ARHGEF10: variants seen among roughly 807,000 people sequenced by gnomAD.
The protein encoded by ARHGEF10 is Rho guanine nucleotide exchange factor 10, also known as Rho guanine nucleotide exchange factor (GEF) 10.
In ARHGEF10, 140 loss-of-function variants were observed where a neutral mutation model predicts 147.4. The ratio of observed to expected loss-of-function variants is 0.95; its 90% CI spans 0.83 to 1.09. The LOEUF (loss-of-function observed/expected upper bound fraction) is 1.09, where lower values mean the gene tolerates loss of function less well. ARHGEF10 is among the 50% of genes least tolerant of loss of function. The pLI is 0.00. For synonymous variants in ARHGEF10, 902 were observed against 695.8 expected (o/e 1.30, Z -4.67); for missense variants, 2,222 against 1,752.7 (o/e 1.27, Z -4.78).
At chr8:1,955,841 T>G (rs1404501907) in intron 28 of ARHGEF10, among the ~76,000 whole-genome samples, 4 of 152,264 alleles carry the variant, frequency 2.6e-5, no homozygotes, top group African/African-American at 7.2e-5. Flanking sequence ...ATCGCTGGTG[T>G]GCAGGGATCA....
chr8:1,921,174 G>A (rs1188651584), intron 18 of ARHGEF10, among the ~76,000 whole-genome samples: 1 of 152,070 alleles, frequency 6.6e-6, no homozygotes, highest in Non-Finnish European at 1.5e-5. Flanking sequence ...GGCTTACCAT[G>A]TTCATAAATA....
upstream of ARHGEF10, among the ~76,000 whole-genome samples, chr8:1,823,358 G>A (rs1802510528): frequency 6.6e-6 from 1 of 151,922 alleles, no homozygotes; most frequent in South Asian, 2.1e-4. Flanking sequence ...GCGGACGGAG[G>A]GACGGGGGCT....
At chr8:1,855,324 G>A (rs79761914) in intron 2 of ARHGEF10, among the ~76,000 whole-genome samples, 2,949 of 152,230 alleles carry the variant, frequency 0.019, 91 homozygotes, top group East Asian at 0.095. Flanking sequence ...TTGTGTCACC[G>A]TCTGGATGAA....
rs1308359748 is a variant in ARHGEF10 at position 1,894,437 on chromosome 8, T to G, written c.1305T>G (p.Ser435Arg). 6.2e-7 allele frequency: 1 copy of G among 1,613,972 alleles called. No individual in the cohort carries two copies. The highest frequency in any genetic ancestry group is 1.3e-5 in the African/African-American group (1 of 74,908). The change falls in exon 13 of 29, where the codon AGT becomes AGG. Residue 435 changes from serine to arginine, a missense_variant. By Grantham distance (110) the Ser-to-Arg change is moderately radical. Coordinates refer to ENST00000349830, the MANE Select transcript of ARHGEF10 (RefSeq NM_014629.4). The stretch of plus-strand genomic sequence containing the variant: ...CTGAGATGGAGCCAAAGGTTCTGAG[T>G]GAGAGGAAGCTGAAGACGGTGTTCT... ...PLSEMEPKVLSERKLKTVFYR... is the reference protein window; with the variant it reads ...PLSEMEPKVLRERKLKTVFYR...
intron 1 of ARHGEF10, among the ~76,000 whole-genome samples, chr8:1,832,960 GCAGATA>G (rs1803294771): frequency 1.1e-4 from 2 of 18,116 alleles, no homozygotes. Context: ...AGAGGCAGAG[GCAGATA>G]CAGAGGCAGA....
At chr8:1,846,663 C>T (rs998108560) in intron 2 of ARHGEF10, among the ~76,000 whole-genome samples, 1 of 152,136 alleles carries the variant, frequency 6.6e-6, no homozygotes, top group African/African-American at 2.4e-5. Context: ...CTGCAACCTC[C>T]ACTTCCCGGG....
chr8:1,830,530 G>T (rs957820728), intron 1 of ARHGEF10, among the ~76,000 whole-genome samples: 10 of 152,280 alleles, frequency 6.6e-5, no homozygotes, highest in Middle Eastern at 6.8e-3. Flanking sequence ...AAATCTACCT[G>T]TGGCCATATG....
Position 1,890,340 on chromosome 8 carries a change from G to T in ARHGEF10, c.1183-3229G>T, listed in dbSNP as rs114580438. Among the ~76,000 whole-genome samples the T allele has an allele frequency of 4.9e-3, 747 of 150,936 alleles. 11 individuals carry two copies. Among genetic ancestry groups the T allele is most frequent in the African/African-American group, 0.017 (683 of 40,936 alleles). On this transcript the variant is annotated intron_variant, in intron 11 of 28. Transcript: ENST00000349830. ...AGGGTTGTGAGCAGATACTGAGTGG[G>T]GTGAGAGTTGTGAGGATACACTGAG...
At chr8:1,828,057 G>A (rs1461839738) in intron 1 of ARHGEF10, among the ~76,000 whole-genome samples, 1 of 152,208 alleles carries the variant, frequency 6.6e-6, no homozygotes, top group Non-Finnish European at 1.5e-5. Flanking sequence ...CACAGTGGGG[G>A]TTTAATGAAG....
intron 27 of ARHGEF10, among the ~76,000 whole-genome samples, chr8:1,946,511 A>T (rs1814606620): frequency 6.6e-6 from 1 of 152,118 alleles, no homozygotes; most frequent in South Asian, 2.1e-4. Context: ...CTGGGGCCTC[A>T]TGTGGTGAAG....
intron 18 of ARHGEF10, among the ~76,000 whole-genome samples, chr8:1,915,790 C>A (rs979179182): frequency 6.6e-6 from 1 of 152,226 alleles, no homozygotes; most frequent in Non-Finnish European, 1.5e-5. Flanking sequence ...AAGAGGGATA[C>A]CCATATTTTC....
At chr8:1,845,088 G>A (rs891846148) in intron 2 of ARHGEF10, among the ~76,000 whole-genome samples, 5 of 152,258 alleles carry the variant, frequency 3.3e-5, no homozygotes, top group African/African-American at 7.2e-5. Flanking sequence ...GCAGTGAGCC[G>A]AGATCCTTCC....
intron 1 of ARHGEF10, among the ~76,000 whole-genome samples, chr8:1,827,395 G>C (rs909447826): frequency 3.3e-5 from 5 of 152,082 alleles, no homozygotes; most frequent in Non-Finnish European, 7.4e-5. Context: ...TGCAGTCTTT[G>C]CTTCCCAGGT....
At chr8:1,864,647 G>C (rs1236183355) in intron 5 of ARHGEF10, among the ~76,000 whole-genome samples, 1 of 152,232 alleles carries the variant, frequency 6.6e-6, no homozygotes, top group Non-Finnish European at 1.5e-5. Flanking sequence ...TGATAACTGG[G>C]TCTGATTTCA....
At chr8:1,840,955 A>G (rs556059041) in intron 1 of ARHGEF10, among the ~76,000 whole-genome samples, 1 of 152,292 alleles carries the variant, frequency 6.6e-6, no homozygotes, top group African/African-American at 2.4e-5. Context: ...CTCACCTGCA[A>G]GGGCACCCGA....
rs78194324 is a variant in ARHGEF10, at chr8:1,850,026, A to G, written c.37+6590A>G. Among the ~76,000 whole-genome samples, 151 of 23,454 alleles carry G rather than the reference A, an allele frequency of 6.4e-3. 1 individual carries two copies. The highest frequency in any genetic ancestry group is 7.3e-3 in the African/African-American group (45 of 6,168). The allele number at this position is 23,454 out of a possible 152,430, so 15.4% of individuals were successfully genotyped here. A position where few individuals can be genotyped will look rare whatever the true frequency, so the allele number is the denominator to read the frequency against. On this transcript the variant is annotated intron_variant, in intron 2 of 28. Coordinates refer to ENST00000349830, the MANE Select transcript of ARHGEF10 (RefSeq NM_014629.4). The stretch of plus-strand genomic sequence containing the variant: ...GCTGAGGAGGGCGTGGGCCGGCTGC[A>G]TGGACACAGAGGGCAAATGCTGAGG...
chr8:1,885,925 A>C (rs1808621179), intron 11 of ARHGEF10, among the ~76,000 whole-genome samples: 1 of 152,174 alleles, frequency 6.6e-6, no homozygotes, highest in South Asian at 2.1e-4. Flanking sequence ...GCCTGGACTC[A>C]GGCCCTTCTG....
intron 27 of ARHGEF10, among the ~76,000 whole-genome samples, chr8:1,950,730 GTTTTT>G (rs71211528): frequency 1.1e-4 from 12 of 108,464 alleles, no homozygotes; most frequent in African/African-American, 3.6e-4. Flanking sequence ...TGTTTTTTAG[GTTTTT>G]TTTTTTTTTT....
At position 1,930,050 on chromosome 8, in the gene ARHGEF10, C is replaced by T. The variant is rs145605510; in HGVS notation, c.3079+607C>T. Among the ~76,000 whole-genome samples the T allele has an allele frequency of 2.3e-3, 347 of 152,230 alleles. 3 individuals are homozygous for T. The highest frequency in any genetic ancestry group is 8.1e-3 in the African/African-American group (336 of 41,536). ...TGCAGGCTCTTCCTGTGGATCTGGC[C>T]GCCGCTGCTTGTGGGAGCTCTGGGT... On this transcript the variant is annotated intron_variant, in intron 25 of 28. Coordinates refer to ENST00000349830, the MANE Select transcript of ARHGEF10 (RefSeq NM_014629.4).
Sources: allele counts gnomAD v4.1 joint callset (sites outside exome capture counted in the v4.1 genomes callset), GRCh38; gene constraint gnomAD v4.1.1; transcripts MANE v1.5; gene names NCBI Gene and HGNC (gene_info 2026-07-23, HGNC 2026-07-21).